Variants in CSGALNACT1 observed in about 807,000 individuals in gnomAD.
CSGALNACT1 encodes beta4GalNAcT-1.
A neutral mutation model predicts 51.0 loss-of-function variants in CSGALNACT1; 52 were observed. The observed-to-expected ratio is 1.02, with a 90% CI of 0.82 to 1.29. The LOEUF is 1.29. Among genes scored for constraint, CSGALNACT1 ranks in the 50% most tolerant of loss-of-function variants. The probability of loss-of-function intolerance (pLI) is 0.00; values close to 1 mark genes in which losing one functional copy is unlikely to be tolerated. For missense variants in CSGALNACT1, 935 were observed against 679.2 expected (o/e 1.38, Z -4.19); for synonymous variants, 341 against 254.4 (o/e 1.34, Z -3.24).
rs149421185 is a variant in CSGALNACT1, at chr8:19,754,397, T to C, written c.-297+3453A>G. ...AAAACAACTTTTTTGCTGTTAATGA[T>C]ACAAATATCTATTTAGGAAATAAAA... is the stretch of plus-strand genomic sequence containing the variant. On this transcript the variant is annotated intron_variant, in intron 1 of 1. Coordinates refer to the CSGALNACT1 transcript ENST00000517494. 7.0e-3 allele frequency among the ~76,000 whole-genome samples: 1,071 copies of C among 152,294 alleles called. 9 individuals are homozygous for C. The highest frequency in any genetic ancestry group is 0.025 in the African/African-American group (1,028 of 41,556).
At chr8:19,420,913 T>A (rs2057821293) in intron 6 of CSGALNACT1, among the ~76,000 whole-genome samples, 2 of 152,316 alleles carry the variant, frequency 1.3e-5, no homozygotes, top group African/African-American at 4.8e-5. Flanking sequence ...TAAGATCACA[T>A]TGCAATGGCC....
intron 1 of CSGALNACT1, among the ~76,000 whole-genome samples, chr8:19,738,607 C>G (rs563919077): frequency 6.6e-6 from 1 of 152,044 alleles, no homozygotes; most frequent in Non-Finnish European, 1.5e-5. Flanking sequence ...AAATGTTCAC[C>G]TAAAAATGGT....
At chr8:19,624,998 C>T (rs1262672528) in intron 1 of CSGALNACT1, among the ~76,000 whole-genome samples, 4 of 152,184 alleles carry the variant, frequency 2.6e-5, no homozygotes, top group Non-Finnish European at 5.9e-5. Flanking sequence ...CTTCTTGCTT[C>T]ACTGTCATCC....
intron 1 of CSGALNACT1, among the ~76,000 whole-genome samples, chr8:19,741,615 T>C (rs1471145624): frequency 1.3e-5 from 2 of 150,576 alleles, no homozygotes; most frequent in African/African-American, 4.9e-5. Flanking sequence ...GAGCTGATCC[T>C]GCTGGCAGTC....
intron 5 of CSGALNACT1, among the ~76,000 whole-genome samples, chr8:19,442,949 G>A (rs1413897784): frequency 6.6e-6 from 1 of 152,120 alleles, no homozygotes; most frequent in Admixed American, 6.6e-5. Flanking sequence ...AGTCACTGAA[G>A]TTCACCCTTC....
chr8:19,443,791 A>C (rs1157807055), intron 5 of CSGALNACT1, among the ~76,000 whole-genome samples: 8 of 152,084 alleles, frequency 5.3e-5, no homozygotes, highest in Non-Finnish European at 7.4e-5. Flanking sequence ...GGGATACCAA[A>C]ATCCAGATGT....
chr8:19,599,407 GGAAA>G (rs139482084), intron 2 of CSGALNACT1, among the ~76,000 whole-genome samples: 3,244 of 133,446 alleles, frequency 0.024, 144 homozygotes, highest in African/African-American at 0.086. Context: ...CAAGGAAAAA[GGAAA>G]GAAAGGAAGG....
intron 4 of CSGALNACT1, among the ~76,000 whole-genome samples, chr8:19,482,245 T>G (rs1216174884): frequency 1.3e-5 from 2 of 152,246 alleles, no homozygotes; most frequent in Non-Finnish European, 2.9e-5. Context: ...ACTTGAAATG[T>G]GGCTAGTGAA....
chr8:19,630,511 A>T (rs1038385793), intron 1 of CSGALNACT1, among the ~76,000 whole-genome samples: 3 of 151,970 alleles, frequency 2.0e-5, no homozygotes, highest in African/African-American at 7.3e-5. Context: ...TTACATTAGG[A>T]TTCACTCTTT....
At chr8:19,730,058 C>T (rs1363997671) in intron 1 of CSGALNACT1, among the ~76,000 whole-genome samples, 2 of 152,172 alleles carry the variant, frequency 1.3e-5, no homozygotes, top group African/African-American at 4.8e-5. Context: ...AGACTAGAGA[C>T]CTTTACAATC....
At chr8:19,458,475 G>A (rs751473570) in exon 5 of CSGALNACT1, 18 of 1,614,096 alleles carry the variant, frequency 1.1e-5, no homozygotes, top group Non-Finnish European at 1.4e-5. Flanking sequence ...TTTGCTAGAG[G>A]CACGATAACA....
chr8:19,509,241 A>C (rs544284628), intron 3 of CSGALNACT1, among the ~76,000 whole-genome samples: 6 of 152,328 alleles, frequency 3.9e-5, no homozygotes. Context: ...TGCTTCCTGA[A>C]GTCAGAAGAG....
At chr8:19,713,637 C>A (rs930934306) in intron 1 of CSGALNACT1, among the ~76,000 whole-genome samples, 10 of 152,138 alleles carry the variant, frequency 6.6e-5, no homozygotes, top group East Asian at 1.9e-4. Flanking sequence ...AGACACTGGA[C>A]TGCTGCAGCT....
chr8:19,707,613 C>A (rs890978321), intron 1 of CSGALNACT1, among the ~76,000 whole-genome samples: 1 of 152,180 alleles, frequency 6.6e-6, no homozygotes, highest in African/African-American at 2.4e-5. Flanking sequence ...TATTAAATCA[C>A]CCTCTACAAG....
chr8:19,540,447 T>C lies in CSGALNACT1; in HGVS notation c.-296-34317A>G, dbSNP rs111487529. 1.3e-3 allele frequency among the ~76,000 whole-genome samples: 199 copies of C among 152,294 alleles called. No homozygotes were observed. The Middle Eastern group carries it at 0.017, about 13-fold the overall frequency. On this transcript the variant is annotated intron_variant, in intron 3 of 9. Coordinates refer to ENST00000454498, the Ensembl canonical transcript of CSGALNACT1. ...GTGTGGATACAAAAGTGACTAAAAT[T>C]TGAGTTCACAGTTTCTGACACACAG...
intron 8 of CSGALNACT1, among the ~76,000 whole-genome samples, chr8:19,416,166 G>C (rs1013739384): frequency 6.7e-6 from 1 of 148,724 alleles, no homozygotes; most frequent in Non-Finnish European, 1.5e-5. Flanking sequence ...CCAGGCTGGA[G>C]TGCAGTGGCA....
chr8:19,547,533 G>C (rs138464086), intron 3 of CSGALNACT1, among the ~76,000 whole-genome samples: 1 of 152,070 alleles, frequency 6.6e-6, no homozygotes, highest in Non-Finnish European at 1.5e-5. Flanking sequence ...CTTGGCTCTC[G>C]TTTCTTTGCA....
chr8:19,728,309 T>G lies in CSGALNACT1; in HGVS notation c.-297+29541A>C, dbSNP rs149180391. 4.3e-3 allele frequency among the ~76,000 whole-genome samples: 653 copies of G among 152,266 alleles called. 6 individuals carry two copies. Among genetic ancestry groups the G allele is most frequent in the African/African-American group, 0.014 (601 of 41,562 alleles). Reference sequence around the variant, plus strand: ...TTTTTCCACAGCCACGGTTTAACAATTTTTATGGAAAAAATTAACACATCT... The same window carrying G: ...TTTTTCCACAGCCACGGTTTAACAAGTTTTATGGAAAAAATTAACACATCT... On this transcript the variant is annotated intron_variant, in intron 1 of 1. Coordinates refer to the CSGALNACT1 transcript ENST00000517494.
At chr8:19,449,383 G>A (rs955861239) in intron 5 of CSGALNACT1, among the ~76,000 whole-genome samples, 5 of 152,130 alleles carry the variant, frequency 3.3e-5, no homozygotes, top group Admixed American at 1.3e-4. Flanking sequence ...GATGGCAGGA[G>A]AACTAGACTA....
Sources: allele counts gnomAD v4.1 joint callset (sites outside exome capture counted in the v4.1 genomes callset), GRCh38; gene constraint gnomAD v4.1.1; transcripts MANE v1.5; gene names NCBI Gene and HGNC (gene_info 2026-07-23, HGNC 2026-07-21).